The following MID2 variants were observed in gnomAD, a reference collection of about 807,000 sequenced individuals.
MID2 encodes probable E3 ubiquitin-protein ligase MID2.
In MID2, 13 loss-of-function variants were observed where a neutral mutation model predicts 46.1. That is an observed-to-expected ratio of 0.28 (90% confidence interval 0.18 to 0.45). The LOEUF is 0.45. Ranked by LOEUF, MID2 falls within the 20% of genes least tolerant of loss-of-function variation. The pLI is 1.00. For missense variants in MID2, 431 were observed against 575.4 expected (o/e 0.75, Z 2.57); for synonymous variants, 199 against 212.3 (o/e 0.94, Z 0.55).
rs752198981 is a variant in MID2 at position 107,905,690 on chromosome X, TAA to T, written c.1073+66_1073+67del. ...GAAAAGAGGCCAATTTAAAGTCACT[TAA>T]AGTTCAGGCATGTATCTAACAGCTG... On this transcript the variant is annotated intron_variant, in intron 5 of 9. Coordinates refer to ENST00000262843, the MANE Select transcript of MID2 (RefSeq NM_012216.4). The T allele has an allele frequency of 8.8e-5, 87 of 984,009 alleles. 5 individuals carry two copies. The highest frequency in any genetic ancestry group is 8.5e-4 in the Admixed American group (30 of 35,140). 81.1% of individuals were successfully genotyped at this position (984,009 alleles called of 1,213,427 possible).
intron 3 of MID2, among the ~76,000 whole-genome samples, chrX:107,892,955 G>T (rs2147856324): frequency 8.9e-6 from 1 of 112,643 alleles, no homozygotes; most frequent in East Asian, 2.8e-4. Flanking sequence ...CGAGATGATG[G>T]CAGAGGCCTT....
intron 5 of MID2, among the ~76,000 whole-genome samples, chrX:107,911,973 G>C (rs1049375463): frequency 1.8e-5 from 2 of 111,791 alleles, no homozygotes; most frequent in African/African-American, 6.5e-5. Flanking sequence ...TAATGTCAAA[G>C]ATCAGCAGAA....
At chrX:107,918,099 A>T (rs1364035394) in intron 7 of MID2, among the ~76,000 whole-genome samples, 1 of 112,010 alleles carries the variant, frequency 8.9e-6, no homozygotes, top group Non-Finnish European at 1.9e-5. Flanking sequence ...ATCAGTGAAT[A>T]TGGTGACAAG....
At chrX:107,926,635 A>C (rs771815904) in intron 9 of MID2, 36 bp from the exon 10 acceptor site, 3 of 1,155,824 alleles carry the variant, frequency 2.6e-6, no homozygotes, top group Admixed American at 2.3e-5. Context: ...ATAATTCATA[A>C]ATGTTTATTT....
chrX:107,879,404 C>T (rs899019805), intron 3 of MID2, among the ~76,000 whole-genome samples: 3 of 111,990 alleles, frequency 2.7e-5, no homozygotes, highest in African/African-American at 6.5e-5. Context: ...CAGCCATCCC[C>T]GACCAGACTC....
At chrX:107,837,373 A>G (rs1293471711) in intron 1 of MID2, among the ~76,000 whole-genome samples, 1 of 111,409 alleles carries the variant, frequency 9.0e-6, no homozygotes, top group Non-Finnish European at 1.9e-5. Context: ...TGAGGAATGC[A>G]GGCATACAGT....
chrX:107,907,334 A>G (rs551429599), intron 5 of MID2, among the ~76,000 whole-genome samples: 7 of 112,026 alleles, frequency 6.2e-5, no homozygotes, highest in African/African-American at 1.9e-4. Flanking sequence ...ACTTACCTCA[A>G]AATTCCAACT....
chrX:107,925,955 A>G lies in MID2; in HGVS notation c.1598-139A>G, dbSNP rs530328334. ...TGGCCTGTTTTCTTAATAAAATTTA[A>G]ACAGCAGCCAACTTGCACTGGACCA... On this transcript the variant is annotated intron_variant, in intron 8 of 9. Transcript: ENST00000262843. 18 of 411,404 alleles carry G rather than the reference A, an allele frequency of 4.4e-5. No individual in the cohort carries two copies. The East Asian group carries it at 7.0e-4, about 16-fold the overall frequency. 33.9% of individuals were successfully genotyped at this position (411,404 alleles called of 1,213,427 possible). A position where few individuals can be genotyped will look rare whatever the true frequency, so the allele number is the denominator to read the frequency against.
At chrX:107,896,854 A>C in intron 3 of MID2, among the ~76,000 whole-genome samples, 2 of 111,077 alleles carry the variant, frequency 1.8e-5, no homozygotes, top group Middle Eastern at 9.3e-3. Context: ...ACAGTGGTTA[A>C]AACCATAGAC....
At chrX:107,883,485 CA>C (rs1278545620) in intron 3 of MID2, among the ~76,000 whole-genome samples, 2 of 112,066 alleles carry the variant, frequency 1.8e-5, no homozygotes, top group African/African-American at 6.5e-5. Context: ...CTCAGTTTCA[CA>C]ATAAAAATGT....
At chrX:107,912,365 C>A (rs1244434616) in intron 5 of MID2, among the ~76,000 whole-genome samples, 4 of 111,978 alleles carry the variant, frequency 3.6e-5, no homozygotes, top group African/African-American at 1.3e-4. Flanking sequence ...AATGTTTTGT[C>A]CCACTACCAC....
chrX:107,883,207 G>T (rs1168203900), intron 3 of MID2, among the ~76,000 whole-genome samples: 3 of 111,252 alleles, frequency 2.7e-5, no homozygotes, highest in Non-Finnish European at 3.8e-5. Context: ...GTCGGGGAGT[G>T]GGGGGCTAGG....
At position 107,917,564 on chromosome X, in the gene MID2, A is replaced by T. The variant is rs773155728; in HGVS notation, c.1260A>T (p.Thr420=). The part of the protein sequence containing the change: ...ELCTASHDTI[T]VHWISDDEFS... ...GTACTGCCTCCCATGACACCATTAC[A>T]GTCCACTGGATCTCGGATGATGAGT... Residue 420 remains threonine, a synonymous_variant, in exon 7 of 10, where the codon ACA becomes ACT. Transcript: ENST00000262843. The T allele has an allele frequency of 8.3e-7, 1 of 1,209,467 alleles. No individual in the cohort carries two copies. The highest frequency in any genetic ancestry group is 3.0e-5 in the East Asian group (1 of 33,753).
At chrX:107,923,611 A>G (rs73533473) in intron 7 of MID2, among the ~76,000 whole-genome samples, 1,883 of 111,141 alleles carry the variant, frequency 0.017, 42 homozygotes, top group African/African-American at 0.059. Context: ...TTATCATGTC[A>G]TCTCTTTGGC....
rs746137219 is a variant in MID2 at position 107,868,544 on chromosome X, T to C, written c.816+13840T>C. On this transcript the variant is annotated intron_variant, in intron 3 of 9. Transcript: ENST00000262843. ...CTGATGAACTTTCTAGAGAGATATA[T>C]CACTTCTTTGTAATAGGAGAAAGGA... Among the ~76,000 whole-genome samples, 88 of 111,570 alleles carry C rather than the reference T, an allele frequency of 7.9e-4. 1 individual carries two copies. The highest frequency in any genetic ancestry group is 1.0e-3 in the Non-Finnish European group (54 of 52,990).
intron 3 of MID2, among the ~76,000 whole-genome samples, chrX:107,890,792 T>G (rs1478636338): frequency 9.0e-6 from 1 of 111,716 alleles, no homozygotes; most frequent in Non-Finnish European, 1.9e-5. Context: ...AGCTGCTTTG[T>G]TTACCTACTC....
At chrX:107,831,462 G>A (rs1272868860) in intron 1 of MID2, among the ~76,000 whole-genome samples, 1 of 112,556 alleles carries the variant, frequency 8.9e-6, no homozygotes, top group African/African-American at 3.2e-5. Context: ...ATTCATGACA[G>A]TGAAGTGTCT....
chrX:107,838,991 G>C (rs779217410), intron 1 of MID2, among the ~76,000 whole-genome samples: 1 of 110,699 alleles, frequency 9.0e-6, no homozygotes, highest in South Asian at 3.9e-4. Flanking sequence ...TACCCCTGGA[G>C]TTCCAGGAGG....
intron 3 of MID2, among the ~76,000 whole-genome samples, chrX:107,856,570 C>A: frequency 8.9e-6 from 1 of 111,813 alleles, no homozygotes; most frequent in Non-Finnish European, 1.9e-5. Context: ...GCTTATGACC[C>A]TGGCCAGCCT....
Sources: gnomAD v4.1 joint callset for allele counts (sites outside exome capture counted in the v4.1 genomes callset) on GRCh38, gnomAD v4.1.1 for gene constraint, MANE v1.5 for transcripts, NCBI Gene and HGNC (gene_info 2026-07-23, HGNC 2026-07-21) for gene names.